The following AGTPBP1 variants were observed in gnomAD, a reference collection of about 807,000 sequenced individuals.
AGTPBP1 encodes the protein ATP/GTP binding carboxypeptidase 1, also known as cytosolic carboxypeptidase 1.
Under a neutral mutation model 143.9 loss-of-function variants are expected in AGTPBP1, and 70 were observed. The observed-to-expected ratio is 0.49, with a 90% CI of 0.40 to 0.59. The LOEUF is 0.59. AGTPBP1 is among the 20% of genes least tolerant of loss of function. The pLI, the probability that AGTPBP1 is intolerant of heterozygous loss-of-function variation, is 0.00. For synonymous variants in AGTPBP1, 463 were observed against 500.2 expected (o/e 0.93, Z 0.99); for missense variants, 1,229 against 1,464.5 (o/e 0.84, Z 2.62).
chr9:85,699,266 A>G (rs1836489932), intron 2 of AGTPBP1, among the ~76,000 whole-genome samples: 1 of 152,204 alleles, frequency 6.6e-6, no homozygotes, highest in Non-Finnish European at 1.5e-5. Flanking sequence ...CCATAGGCAC[A>G]TGCCACCACA....
At chr9:85,626,610 C>T (rs1831310025) in intron 14 of AGTPBP1, among the ~76,000 whole-genome samples, 1 of 152,092 alleles carries the variant, frequency 6.6e-6, no homozygotes, top group Non-Finnish European at 1.5e-5. Context: ...TACCTTTAAC[C>T]TGAACTATAT....
the AGTPBP1 span, among the ~76,000 whole-genome samples, chr9:85,776,479 C>G: frequency 6.6e-6 from 1 of 152,206 alleles, no homozygotes; most frequent in South Asian, 2.1e-4. Flanking sequence ...GTAGTCCTGA[C>G]TGGAATGGGC....
upstream of AGTPBP1, among the ~76,000 whole-genome samples, chr9:85,743,811 C>T (rs180932473): frequency 3.2e-4 from 49 of 152,284 alleles, no homozygotes; most frequent in Non-Finnish European, 5.3e-4. Context: ...ATCGTGGGAC[C>T]TTGCATATCC....
At chr9:85,679,500 C>T (rs1476494219) in intron 4 of AGTPBP1, among the ~76,000 whole-genome samples, 8 of 152,084 alleles carry the variant, frequency 5.3e-5, no homozygotes, top group Admixed American at 3.9e-4. Context: ...CTCCGCCTCC[C>T]GGGTTCATGC....
chr9:85,684,925 C>A (rs1415488432), intron 3 of AGTPBP1, among the ~76,000 whole-genome samples: 2 of 151,390 alleles, frequency 1.3e-5, no homozygotes, highest in Non-Finnish European at 2.9e-5. Flanking sequence ...TGGGAAAACA[C>A]AGCAGAGAAA....
intron 2 of AGTPBP1, among the ~76,000 whole-genome samples, chr9:85,706,714 CA>C (rs908847449): frequency 5.4e-5 from 8 of 147,928 alleles, no homozygotes; most frequent in African/African-American, 1.7e-4. Context: ...ACTAAAAATA[CA>C]AAAAAAAAGA....
intron 1 of AGTPBP1, among the ~76,000 whole-genome samples, chr9:85,737,868 G>A (rs999292957): frequency 5.3e-5 from 8 of 151,936 alleles, no homozygotes; most frequent in South Asian, 2.1e-4. Flanking sequence ...CTCCCTCCCC[G>A]GCCTCCCCAC....
chr9:85,582,284 T>C (rs1564029860), intron 23 of AGTPBP1, among the ~76,000 whole-genome samples: 1 of 152,242 alleles, frequency 6.6e-6, no homozygotes, highest in South Asian at 2.1e-4. Context: ...CATTTAGTTA[T>C]TGTTCCTCTT....
At chr9:85,636,859 G>T (rs1832089804) in intron 13 of AGTPBP1, among the ~76,000 whole-genome samples, 1 of 151,748 alleles carries the variant, frequency 6.6e-6, no homozygotes, top group Non-Finnish European at 1.5e-5. Flanking sequence ...TTTTAAAAAA[G>T]AAAATCCACA....
At chr9:85,670,598 A>G (rs1306414220) in intron 7 of AGTPBP1, among the ~76,000 whole-genome samples, 2 of 152,204 alleles carry the variant, frequency 1.3e-5, no homozygotes, top group African/African-American at 4.8e-5. Flanking sequence ...GGACAATGGC[A>G]TGTGCCTGTA....
At chr9:85,638,359 A>T (rs1010798301) in intron 13 of AGTPBP1, among the ~76,000 whole-genome samples, 3 of 151,810 alleles carry the variant, frequency 2.0e-5, no homozygotes, top group East Asian at 1.9e-4. Flanking sequence ...TGATTAAAAT[A>T]AAAAAAAGAC....
At chr9:85,750,444 C>T in the AGTPBP1 span, among the ~76,000 whole-genome samples, 4 of 152,168 alleles carry the variant, frequency 2.6e-5, no homozygotes, top group African/African-American at 7.2e-5. Context: ...TCTCTTCTAT[C>T]CATGTCATGA....
chr9:85,657,303 CT>C, intron 10 of AGTPBP1, 131 bp downstream of exon 10: 1 of 771,422 alleles, frequency 1.3e-6, no homozygotes, highest in Non-Finnish European at 2.0e-6. Context: ...GTGTCTTTTA[CT>C]TTTAAGATTT....
chr9:85,665,228 GGA>G (rs1412726799), intron 8 of AGTPBP1, among the ~76,000 whole-genome samples: 1 of 152,168 alleles, frequency 6.6e-6, no homozygotes, highest in African/African-American at 2.4e-5. Flanking sequence ...GCTGTTATAA[GGA>G]GAGAGAAGAC....
intron 2 of AGTPBP1, among the ~76,000 whole-genome samples, chr9:85,711,878 G>T (rs1333574447): frequency 6.6e-6 from 1 of 151,970 alleles, no homozygotes; most frequent in Non-Finnish European, 1.5e-5. Flanking sequence ...GCATGGCTGT[G>T]TTCCAAAAAA....
chr9:85,692,865 C>T (rs748552175), intron 2 of AGTPBP1, 52 bp from the exon 3 acceptor site: 4 of 1,582,868 alleles, frequency 2.5e-6, no homozygotes, highest in Non-Finnish European at 3.4e-6. Flanking sequence ...GGTGTAAATT[C>T]AATACTATAA....
At chr9:85,575,864 T>C (rs1249232611) in intron 24 of AGTPBP1, among the ~76,000 whole-genome samples, 2 of 152,202 alleles carry the variant, frequency 1.3e-5, no homozygotes, top group Non-Finnish European at 2.9e-5. Context: ...TGAAATATTA[T>C]AGTATTAAAA....
rs1354542906 is a variant in AGTPBP1, at chr9:85,607,918, C to G, written c.2335+11065G>C. ...GACTCTACGTAGAAAAAAATACATGCTTCTAACACGTCTAGTATTACAGCT... is the reference window on the plus strand; with the variant it reads ...GACTCTACGTAGAAAAAAATACATGGTTCTAACACGTCTAGTATTACAGCT... On this transcript the variant is annotated intron_variant, in intron 17 of 25. Coordinates refer to ENST00000357081, the MANE Select transcript of AGTPBP1 (RefSeq NM_001330701.2). Among the ~76,000 whole-genome samples, 3 of 152,204 alleles carry G rather than the reference C, an allele frequency of 2.0e-5. No individual in the cohort carries two copies. The East Asian group carries it at 5.8e-4, about 29-fold the overall frequency.
chr9:85,628,329 C>A (rs1390745701), intron 14 of AGTPBP1, among the ~76,000 whole-genome samples: 1 of 152,054 alleles, frequency 6.6e-6, no homozygotes, highest in Non-Finnish European at 1.5e-5. Flanking sequence ...TATCTAATAC[C>A]CACAGAAATG....
Sources: gnomAD v4.1 joint callset for allele counts (sites outside exome capture counted in the v4.1 genomes callset) on GRCh38, gnomAD v4.1.1 for gene constraint, MANE v1.5 for transcripts, NCBI Gene and HGNC (gene_info 2026-07-23, HGNC 2026-07-21) for gene names.